The following ZYG11B variants were observed in gnomAD, a reference collection of about 807,000 sequenced individuals.
ZYG11B encodes the protein zyg-11 family member B, cell cycle regulator.
ZYG11B carries 36 observed loss-of-function variants against 82.4 expected under a neutral mutation model. That is an observed-to-expected ratio of 0.44 (90% CI 0.33 to 0.58). ZYG11B has a LOEUF of 0.58. ZYG11B is among the 20% of genes least tolerant of loss of function. The probability of loss-of-function intolerance (pLI) is 0.02; values close to 1 mark genes in which losing one functional copy is unlikely to be tolerated. For synonymous variants in ZYG11B, 303 were observed against 312.8 expected (o/e 0.97, Z 0.33); for missense variants, 552 against 895.6 (o/e 0.62, Z 4.90).
At position 52,823,306 on chromosome 1, in the gene ZYG11B, T is replaced by G. The variant is rs1645296770; in HGVS notation, c.*1677T>G. The G allele has an allele frequency of 6.6e-6, 1 of 151,978 alleles. No homozygotes were observed. The highest frequency in any genetic ancestry group is 1.5e-5 in the Non-Finnish European group (1 of 67,998). The allele number at this position is 151,978 out of a possible 1,614,324, so 9.4% of individuals were successfully genotyped here. ...CGGTCTCTACCAAAAAAAAAAATTT[T>G]TTTTTTTTAAATTAGCTGGGTGTGG... On this transcript the variant is annotated 3_prime_UTR_variant, in exon 14 of 14. Coordinates refer to ENST00000294353, the MANE Select transcript of ZYG11B (RefSeq NM_024646.3).
intron 1 of ZYG11B, among the ~76,000 whole-genome samples, chr1:52,751,911 C>T (rs1021829748): frequency 4.6e-5 from 7 of 151,726 alleles, no homozygotes; most frequent in South Asian, 4.2e-4. Context: ...AGAAAACAAA[C>T]TGTTTTCTCC....
chr1:52,788,891 T>A (rs1644934323), intron 5 of ZYG11B, among the ~76,000 whole-genome samples: 1 of 152,160 alleles, frequency 6.6e-6, no homozygotes, highest in Non-Finnish European at 1.5e-5. Flanking sequence ...TTGCCTTTCT[T>A]ACTTCTATGG....
Position 52,728,212 on chromosome 1 carries a change from T to C in ZYG11B, c.30+1529T>C, listed in dbSNP as rs61212135. On this transcript the variant is annotated intron_variant, in intron 1 of 13. Coordinates refer to ENST00000294353, the MANE Select transcript of ZYG11B (RefSeq NM_024646.3). ...CATTTCCCACCTGACTAATATAAAC[T>C]TAAACTGAAATTTGAGGTAACTAGT... Among the ~76,000 whole-genome samples, 737 of 152,300 alleles carry C rather than the reference T, an allele frequency of 4.8e-3. 11 individuals are homozygous for C. Among genetic ancestry groups the C allele is most frequent in the African/African-American group, 0.017 (698 of 41,566 alleles).
At chr1:52,756,754 A>G (rs1344199115) in intron 2 of ZYG11B, 131 bp downstream of exon 2, 4 of 733,894 alleles carry the variant, frequency 5.5e-6, no homozygotes, top group South Asian at 2.9e-5. Context: ...TTCCAGGACT[A>G]TGAATTCATT....
At chr1:52,729,798 G>T (rs1268083615) in intron 1 of ZYG11B, among the ~76,000 whole-genome samples, 2 of 152,074 alleles carry the variant, frequency 1.3e-5, no homozygotes, top group South Asian at 4.1e-4. Flanking sequence ...TGAGGGCAGG[G>T]CCTGAGAGGT....
chr1:52,825,569 A>G lies in ZYG11B; in HGVS notation c.*3940A>G, dbSNP rs1403182014. 6.6e-6 allele frequency: 1 copy of G among 150,716 alleles called. No individual in the cohort carries two copies. Among genetic ancestry groups the G allele is most frequent in the Non-Finnish European group, 1.5e-5 (1 of 67,882 alleles). The allele number at this position is 150,716 out of a possible 1,614,324, so 9.3% of individuals were successfully genotyped here. A position where few individuals can be genotyped will look rare whatever the true frequency, so the allele number is the denominator to read the frequency against. The stretch of plus-strand genomic sequence containing the variant: ...TTATGTTTAAAACCATCGGTTCTAT[A>G]TATCTAGCTTTAGGAAGTTGCCCTT... On this transcript the variant is annotated 3_prime_UTR_variant, in exon 14 of 14. Coordinates refer to ENST00000294353, the MANE Select transcript of ZYG11B (RefSeq NM_024646.3).
At position 52,813,521 on chromosome 1, in the gene ZYG11B, C is replaced by CTT. The variant is rs760756606; in HGVS notation, c.1696-6_1696-5dup. On this transcript the variant is annotated splice_polypyrimidine_tract_variant and intron_variant, in intron 10 of 13. Transcript: ENST00000294353. ...CATATTACATTAATTTTTATATTTTCTTTTTTTTTTCCAGAACAATATAGC... is the reference window on the plus strand; with the variant it reads ...CATATTACATTAATTTTTATATTTTCTTTTTTTTTTTTCCAGAACAATATAGC... 14 of 1,391,376 alleles carry CTT rather than the reference C, an allele frequency of 1.0e-5. No individual in the cohort carries two copies. Among genetic ancestry groups the CTT allele is most frequent in the Middle Eastern group, 1.9e-4 (1 of 5,284 alleles). 86.2% of individuals were successfully genotyped at this position (1,391,376 alleles called of 1,614,324 possible). A position where few individuals can be genotyped will look rare whatever the true frequency, so the allele number is the denominator to read the frequency against.
At chr1:52,815,791 C>T (rs1249889636) in intron 12 of ZYG11B, among the ~76,000 whole-genome samples, 4 of 151,550 alleles carry the variant, frequency 2.6e-5, no homozygotes, top group African/African-American at 4.8e-5. Flanking sequence ...AAAAATTAGC[C>T]GGGCGTGGTG....
intron 3 of ZYG11B, among the ~76,000 whole-genome samples, chr1:52,779,558 T>A (rs1644837957): frequency 6.6e-6 from 1 of 152,292 alleles, no homozygotes; most frequent in Admixed American, 6.5e-5. Context: ...TGGCGTGATC[T>A]CAGCTCACTG....
rs1407595221 is a variant in ZYG11B, at chr1:52,803,245, C to CATATATATAT, written c.1695+1107_1695+1108insTATATATATA. Among the ~76,000 whole-genome samples the CATATATATAT allele has an allele frequency of 6.5e-5, 4 of 62,012 alleles. 1 individual carries two copies. Among genetic ancestry groups the CATATATATAT allele is most frequent in the African/African-American group, 2.3e-4 (2 of 8,522 alleles). The allele number at this position is 62,012 out of a possible 152,430, so 40.7% of individuals were successfully genotyped here. On this transcript the variant is annotated intron_variant, in intron 10 of 13. Coordinates refer to ENST00000294353, the MANE Select transcript of ZYG11B (RefSeq NM_024646.3). ...ATATACACACATATATATATACACA[C>CATATATATAT]ACACATATATATATATATATACACA...
chr1:52,814,435 T>C (rs1213736562), intron 12 of ZYG11B, among the ~76,000 whole-genome samples: 3 of 152,366 alleles, frequency 2.0e-5, no homozygotes, highest in African/African-American at 7.2e-5. Flanking sequence ...ATTTGTTCTA[T>C]GCTCTTGAAA....
intron 2 of ZYG11B, among the ~76,000 whole-genome samples, chr1:52,759,941 G>A (rs1644613329): frequency 6.6e-6 from 1 of 151,982 alleles, no homozygotes; most frequent in Non-Finnish European, 1.5e-5. Context: ...AGCAATTCTT[G>A]TGCCTCAGCC....
At position 52,771,523 on chromosome 1, in the gene ZYG11B, C is replaced by T. The variant is rs4287124; in HGVS notation, c.700C>T (p.Arg234Trp). Residue 234 changes from arginine (R) to tryptophan (W), a missense_variant, in exon 3 of 14, where the codon CGG becomes TGG. Coordinates refer to ENST00000294353, the MANE Select transcript of ZYG11B (RefSeq NM_024646.3). The surrounding 1 kb of genome is among the most constrained non-coding windows in gnomAD (Gnocchi z 5.4). ...AACTACCCAGATACTGGATGTAGTT[C>T]GGGAACTCAAACATCTGAATCATCT... ...MTTTQILDVV[R>W]ELKHLNHLDI... 1.1e-5 allele frequency: 18 copies of T among 1,613,898 alleles called. No individual in the cohort carries two copies. The highest frequency in any genetic ancestry group is 1.6e-4 in the Middle Eastern group (1 of 6,062).
At chr1:52,775,265 G>T (rs192066570) in intron 3 of ZYG11B, among the ~76,000 whole-genome samples, 4 of 152,074 alleles carry the variant, frequency 2.6e-5, no homozygotes, top group Non-Finnish European at 4.4e-5. Flanking sequence ...CTCCTATATT[G>T]AACTGCAGTA....
intron 1 of ZYG11B, among the ~76,000 whole-genome samples, chr1:52,742,438 C>T (rs551242483): frequency 7.3e-4 from 111 of 151,848 alleles, no homozygotes; most frequent in Non-Finnish European, 1.4e-3. Flanking sequence ...GGTGACAGAG[C>T]AAGACCCTGT....
At chr1:52,749,935 G>A (rs941134455) in intron 1 of ZYG11B, among the ~76,000 whole-genome samples, 2 of 152,094 alleles carry the variant, frequency 1.3e-5, no homozygotes, top group Admixed American at 6.6e-5. Flanking sequence ...GTATCATTAT[G>A]AACTCATGAA....
chr1:52,800,607 G>A (rs750450001), intron 8 of ZYG11B, among the ~76,000 whole-genome samples: 49 of 151,998 alleles, frequency 3.2e-4, no homozygotes, highest in African/African-American at 9.2e-4. Flanking sequence ...TCAGGAGTTC[G>A]AGACCAGTGT....
intron 10 of ZYG11B, among the ~76,000 whole-genome samples, chr1:52,803,564 G>A (rs1450632042): frequency 2.6e-5 from 4 of 151,130 alleles, no homozygotes; most frequent in Non-Finnish European, 5.9e-5. Flanking sequence ...TATATTTTTT[G>A]GTATTGTACA....
At chr1:52,813,489 T>A (rs763736917) in intron 10 of ZYG11B, 47 bp from the exon 11 acceptor site, 2 of 1,422,828 alleles carry the variant, frequency 1.4e-6, no homozygotes, top group Non-Finnish European at 1.9e-6. Context: ...CTTAACCATT[T>A]ACTATACATA....
Sources: allele counts gnomAD v4.1 joint callset (sites outside exome capture counted in the v4.1 genomes callset), GRCh38; gene constraint gnomAD v4.1.1; non-coding constraint Gnocchi (gnomAD v3.1); transcripts MANE v1.5; gene names NCBI Gene and HGNC (gene_info 2026-07-23, HGNC 2026-07-21).